The following CEP68 variants were observed in gnomAD, a reference collection of about 807,000 sequenced individuals.
The protein encoded by CEP68 is centrosomal protein of 68 kDa.
CEP68 carries 26 observed loss-of-function variants against 55.3 expected under a neutral mutation model. That is an observed-to-expected ratio of 0.47 (90% CI 0.34 to 0.65). The LOEUF (loss-of-function observed/expected upper bound fraction) is 0.65. Ranked by LOEUF, CEP68 falls within the 30% of genes least tolerant of loss-of-function variation. The pLI, the probability that CEP68 is intolerant of heterozygous loss-of-function variation, is 0.01. For missense variants in CEP68, 957 were observed against 946.7 expected (o/e 1.01, Z -0.14); for synonymous variants, 402 against 383.2 (o/e 1.05, Z -0.57).
intron 5 of CEP68, among the ~76,000 whole-genome samples, chr2:65,082,152 T>C (rs1467471985): frequency 6.6e-6 from 1 of 152,230 alleles, no homozygotes; most frequent in Non-Finnish European, 1.5e-5. Flanking sequence ...CATCTGAACC[T>C]TGGCATGTCG....
intron 6 of CEP68, 29 bp downstream of exon 6, chr2:65,082,738 T>A (rs1668892114): frequency 1.3e-6 from 2 of 1,515,576 alleles, no homozygotes; most frequent in Middle Eastern, 2.5e-4. Context: ...AAAGAAAATT[T>A]GCCCACCAAC....
chr2:65,065,537 T>C (rs1022905310), intron 1 of CEP68, among the ~76,000 whole-genome samples: 1 of 152,220 alleles, frequency 6.6e-6, no homozygotes, highest in Non-Finnish European at 1.5e-5. Flanking sequence ...CTAATTGATA[T>C]AAATAAGAGT....
intron 5 of CEP68, among the ~76,000 whole-genome samples, chr2:65,081,861 A>T (rs969227010): frequency 6.6e-6 from 1 of 152,080 alleles, no homozygotes; most frequent in African/African-American, 2.4e-5. Context: ...CACCCGGCTA[A>T]TTTTTTTATA....
At chr2:65,077,179 G>A (rs1676806745) in intron 4 of CEP68, among the ~76,000 whole-genome samples, 6 of 151,810 alleles carry the variant, frequency 4.0e-5, no homozygotes, top group Admixed American at 3.3e-4. Context: ...TGTATTTTTA[G>A]TAGAGACGGG....
At chr2:65,076,576 C>G (rs532453711) in intron 4 of CEP68, among the ~76,000 whole-genome samples, 3 of 152,248 alleles carry the variant, frequency 2.0e-5, no homozygotes, top group Admixed American at 6.5e-5. Flanking sequence ...CTAGTATAAG[C>G]GAGCGTGTCT....
chr2:65,071,717 C>T lies in CEP68; in HGVS notation c.621C>T (p.Leu207=). 1 of 1,614,084 alleles carries T rather than the reference C, an allele frequency of 6.2e-7. No homozygotes were observed. Among genetic ancestry groups the T allele is most frequent in the Non-Finnish European group, 8.5e-7 (1 of 1,180,034 alleles). Residue 207 remains leucine, a synonymous_variant, in exon 3 of 7, where the codon CTC becomes CTT. Transcript: ENST00000377990. ...SISASSTGSS[L]QGHQERAEPR... ...CTGCTTCCTCCACAGGCAGCAGTCT[C>T]CAGGGTCACCAGGAGAGGGCGGAGC...
intron 5 of CEP68, among the ~76,000 whole-genome samples, chr2:65,081,659 G>A (rs1284997691): frequency 1.3e-5 from 2 of 152,198 alleles, no homozygotes; most frequent in African/African-American, 2.4e-5. Flanking sequence ...GACACTGCGG[G>A]AGTGAATCTT....
At position 65,075,955 on chromosome 2, in the gene CEP68, A is replaced by G. The variant is rs565207974; in HGVS notation, c.2007+1551A>G. The stretch of plus-strand genomic sequence containing the variant: ...TTTGTTTTCCAACTTGGGGCCAACT[A>G]AAGTGTAGGGAGGAGCCTTGCTTGA... On this transcript the variant is annotated intron_variant, in intron 4 of 6. Transcript: ENST00000377990. 6.6e-5 allele frequency among the ~76,000 whole-genome samples: 10 copies of G among 152,080 alleles called. No individual in the cohort carries two copies. The South Asian group carries it at 1.2e-3, about 19-fold the overall frequency.
At chr2:65,063,553 C>T (rs901753360) in intron 1 of CEP68, among the ~76,000 whole-genome samples, 1 of 152,210 alleles carries the variant, frequency 6.6e-6, no homozygotes, top group Non-Finnish European at 1.5e-5. Context: ...CGCTATTCAC[C>T]AGTCTGAGAA....
At chr2:65,063,256 T>A (rs1573019168) in intron 1 of CEP68, among the ~76,000 whole-genome samples, 1 of 152,248 alleles carries the variant, frequency 6.6e-6, no homozygotes, top group Non-Finnish European at 1.5e-5. Flanking sequence ...CTGAAGCTTA[T>A]GTGGCTTGTC....
chr2:65,066,379 G>A (rs1027299727), intron 1 of CEP68, among the ~76,000 whole-genome samples: 71 of 149,734 alleles, frequency 4.7e-4, no homozygotes, highest in African/African-American at 1.5e-3. Flanking sequence ...GGTGGATCAC[G>A]AGGTCAGAAG....
chr2:65,083,841 G>A lies in CEP68; in HGVS notation c.*207G>A, dbSNP rs1558571262. 6.6e-6 allele frequency: 1 copy of A among 152,150 alleles called. No homozygotes were observed. Among genetic ancestry groups the A allele is most frequent in the East Asian group, 1.9e-4 (1 of 5,190 alleles). The allele number at this position is 152,150 out of a possible 1,614,324, so 9.4% of individuals were successfully genotyped here. On this transcript the variant is annotated 3_prime_UTR_variant, in exon 7 of 7. Transcript: ENST00000377990. The stretch of plus-strand genomic sequence containing the variant: ...TTACAATGAATCCTTCCAAACTAAG[G>A]TTTTCCTTTTGGTGCTTCTCCACAA...
chr2:65,068,097 C>T (rs753888182), intron 1 of CEP68, among the ~76,000 whole-genome samples: 39 of 152,158 alleles, frequency 2.6e-4, no homozygotes, highest in Non-Finnish European at 4.6e-4. Flanking sequence ...TTTCTGCCCA[C>T]ATTTAAGCTT....
intron 1 of CEP68, among the ~76,000 whole-genome samples, chr2:65,069,131 C>T (rs538488085): frequency 2.0e-5 from 3 of 152,098 alleles, no homozygotes; most frequent in Non-Finnish European, 4.4e-5. Flanking sequence ...GGACTTTGGA[C>T]CTGTGTTGAC....
intron 3 of CEP68, 65 bp downstream of exon 3, chr2:65,073,045 A>G: frequency 6.5e-7 from 1 of 1,542,748 alleles, no homozygotes; most frequent in South Asian, 1.1e-5. Flanking sequence ...CAATCCACTA[A>G]CATCATAATA....
chr2:65,082,057 A>G (rs1434671140), intron 5 of CEP68, among the ~76,000 whole-genome samples: 1 of 152,048 alleles, frequency 6.6e-6, no homozygotes, highest in Admixed American at 6.6e-5. Context: ...GGTCTCAAGC[A>G]CTCCCAAATC....
At chr2:65,058,355 C>T (rs1675746728) in intron 1 of CEP68, among the ~76,000 whole-genome samples, 1 of 152,004 alleles carries the variant, frequency 6.6e-6, no homozygotes. Context: ...AGGTGCACAT[C>T]ACCAGGCCCA....
Position 65,074,142 on chromosome 2 carries a change from C to CTGATTTGAGATAAATATATTGTGAGCAA in CEP68, c.1885-140_1885-139insTGATTTGAGATAAATATATTGTGAGCAA, listed in dbSNP as rs1676645127. 12 of 926,606 alleles carry CTGATTTGAGATAAATATATTGTGAGCAA rather than the reference C, an allele frequency of 1.3e-5. No individual in the cohort carries two copies. In the South Asian group the frequency reaches 1.9e-4, roughly 15 times the overall value. The allele number at this position is 926,606 out of a possible 1,614,324, so 57.4% of individuals were successfully genotyped here. A position where few individuals can be genotyped will look rare whatever the true frequency, so the allele number is the denominator to read the frequency against. ...AGAGGGAGGTACAGAGTCGTGGAGT[C>CTGATTTGAGATAAATATATTGTGAGCAA]GGGACAGGTGAGCAAGGAGGAGAGA... is the stretch of plus-strand genomic sequence containing the variant. On this transcript the variant is annotated intron_variant, in intron 3 of 6. Transcript: ENST00000377990.
At position 65,069,737 on chromosome 2, in the gene CEP68, C is replaced by T. The variant is rs922409160; in HGVS notation, c.293C>T (p.Ala98Val). ...REPVAERSEP[A>V]LSGLPPATMG... ...CCCGTAGCTGAGAGGTCTGAGCCTG[C>T]ACTCAGTGGCCTGCCTCCTGCCACC... The change falls in exon 2 of 7, where the codon GCA (alanine) becomes GTA (valine). Residue 98 changes from alanine (A) to valine (V), a missense_variant. Ala to Val is a moderately conservative substitution (Grantham distance 64). Coordinates refer to ENST00000377990, the MANE Select transcript of CEP68 (RefSeq NM_015147.3). 9 of 1,614,104 alleles carry T rather than the reference C, an allele frequency of 5.6e-6. No individual in the cohort carries two copies. In the South Asian group the frequency reaches 9.9e-5, roughly 18 times the overall value.
Sources: gnomAD v4.1 joint callset for allele counts (sites outside exome capture counted in the v4.1 genomes callset) on GRCh38, gnomAD v4.1.1 for gene constraint, MANE v1.5 for transcripts, NCBI Gene and HGNC (gene_info 2026-07-23, HGNC 2026-07-21) for gene names.